The following RAD51B variants were observed in gnomAD, a reference collection of about 807,000 sequenced individuals.
RAD51B encodes the protein DNA repair protein RAD51 homolog 2.
In RAD51B, 38 loss-of-function variants were observed where a neutral mutation model predicts 42.2. The observed-to-expected ratio is 0.90, with a 90% CI of 0.70 to 1.18. The LOEUF is 1.18. Ranked by LOEUF, RAD51B falls within the 50% of genes most tolerant of loss-of-function variation. The pLI, the probability that RAD51B is intolerant of heterozygous loss-of-function variation, is 0.00. For synonymous variants in RAD51B, 154 were observed against 145.2 expected (o/e 1.06, Z -0.43); for missense variants, 373 against 400.7 (o/e 0.93, Z 0.59).
chr14:67,944,247 G>A (rs527350182), intron 7 of RAD51B, among the ~76,000 whole-genome samples: 6 of 147,598 alleles, frequency 4.1e-5, no homozygotes, highest in African/African-American at 1.5e-4. Context: ...ATAATTTTAG[G>A]AAAACTAAAT....
chr14:68,606,457 T>C (rs1284583705), intron 10 of RAD51B, among the ~76,000 whole-genome samples: 1 of 152,234 alleles, frequency 6.6e-6, no homozygotes, highest in Non-Finnish European at 1.5e-5. Flanking sequence ...TTGCATCTTC[T>C]TCTACAATAT....
chr14:68,621,816 C>A (rs1488656795), intron 10 of RAD51B, among the ~76,000 whole-genome samples: 3 of 152,264 alleles, frequency 2.0e-5, no homozygotes, highest in Non-Finnish European at 4.4e-5. Context: ...AGCCAGGGCC[C>A]AGCTGATCTC....
chr14:68,322,675 T>C (rs2082177249), intron 8 of RAD51B, among the ~76,000 whole-genome samples: 1 of 152,178 alleles, frequency 6.6e-6, no homozygotes, highest in African/African-American at 2.4e-5. Flanking sequence ...TGAGAGAATC[T>C]TCCCCTCCAG....
At chr14:68,155,729 C>G (rs1051282461) in intron 7 of RAD51B, among the ~76,000 whole-genome samples, 84 of 152,084 alleles carry the variant, frequency 5.5e-4, no homozygotes, top group African/African-American at 2.0e-3. Flanking sequence ...TATAAATAGT[C>G]AGTTTGAAAA....
chr14:68,610,843 ATGTGTGTGTGTGTGTGTGTGTG>A (rs60173412), intron 10 of RAD51B, among the ~76,000 whole-genome samples: 1 of 144,896 alleles, frequency 6.9e-6, no homozygotes, highest in Non-Finnish European at 1.5e-5. Context: ...CTGAATGTAT[ATGTGTGTGTGTGTGTGTGTGTG>A]TGTGTGTGTG....
intron 7 of RAD51B, among the ~76,000 whole-genome samples, chr14:68,116,339 A>T (rs1470687107): frequency 7.2e-6 from 1 of 139,116 alleles, no homozygotes; most frequent in Non-Finnish European, 1.5e-5. Context: ...CTGTACATTT[A>T]AAAGGTTAAA....
intron 9 of RAD51B, among the ~76,000 whole-genome samples, chr14:68,421,304 C>T (rs2084692923): frequency 6.6e-6 from 1 of 152,012 alleles, no homozygotes; most frequent in African/African-American, 2.4e-5. Context: ...GGGGAGTATC[C>T]CTGCTGTGAG....
intron 10 of RAD51B, among the ~76,000 whole-genome samples, chr14:68,555,624 TG>T (rs1249576958): frequency 5.9e-5 from 9 of 152,158 alleles, no homozygotes; most frequent in Admixed American, 5.9e-4. Context: ...CTGACAGCCA[TG>T]GGGTTGCAAA....
chr14:68,117,774 T>C (rs1420160997), intron 7 of RAD51B, among the ~76,000 whole-genome samples: 2 of 152,210 alleles, frequency 1.3e-5, no homozygotes, highest in East Asian at 3.8e-4. Context: ...TTTTTAAAAA[T>C]AAATATACCA....
intron 7 of RAD51B, among the ~76,000 whole-genome samples, chr14:68,232,663 T>C (rs1005269274): frequency 1.4e-4 from 22 of 152,186 alleles, no homozygotes; most frequent in African/African-American, 5.1e-4. Flanking sequence ...TCAGCAGACA[T>C]AGGATATTGT....
intron 7 of RAD51B, among the ~76,000 whole-genome samples, chr14:67,899,142 A>G (rs950771851): frequency 6.6e-6 from 1 of 151,932 alleles, no homozygotes; most frequent in Admixed American, 6.6e-5. Context: ...TCCCGGGCTC[A>G]TGCTATTCTC....
At chr14:68,025,317 T>C (rs1379210774) in intron 7 of RAD51B, among the ~76,000 whole-genome samples, 1 of 152,044 alleles carries the variant, frequency 6.6e-6, no homozygotes, top group African/African-American at 2.4e-5. Context: ...ACGTTTATTA[T>C]GTCTCTGCTA....
chr14:68,356,756 C>T (rs1281443491), intron 8 of RAD51B, among the ~76,000 whole-genome samples: 3 of 151,046 alleles, frequency 2.0e-5, no homozygotes, highest in East Asian at 2.0e-4. Context: ...CCGAGGCGGG[C>T]GGATCACGAG....
At chr14:68,441,802 A>C (rs2085300924) in intron 9 of RAD51B, among the ~76,000 whole-genome samples, 2 of 152,204 alleles carry the variant, frequency 1.3e-5, no homozygotes, top group South Asian at 2.1e-4. Context: ...TATGAAGAAG[A>C]AGCAATGCCA....
At chr14:68,308,137 T>G (rs12889949) in intron 8 of RAD51B, among the ~76,000 whole-genome samples, 75,786 of 152,028 alleles carry the variant, frequency 0.5, 21,658 homozygotes, top group South Asian at 0.65. Context: ...CTAAATAATA[T>G]CAAGGATAGA....
chr14:68,518,432 T>G (rs1361554677), intron 10 of RAD51B, among the ~76,000 whole-genome samples: 1 of 152,094 alleles, frequency 6.6e-6, no homozygotes, highest in East Asian at 1.9e-4. Context: ...GAACTGGAGA[T>G]CTTTCCACAT....
intron 11 of RAD51B, among the ~76,000 whole-genome samples, chr14:68,680,107 A>T (rs56273152): frequency 0.14 from 20,671 of 152,266 alleles, 1,819 homozygotes; most frequent in Non-Finnish European, 0.19. Context: ...ATATTATGTG[A>T]TTCACAATGT....
chr14:68,140,105 C>T (rs994671643), intron 7 of RAD51B, among the ~76,000 whole-genome samples: 3 of 152,066 alleles, frequency 2.0e-5, no homozygotes, highest in East Asian at 1.9e-4. Context: ...TCTCAAAAGG[C>T]GATTCCAGAA....
At chr14:67,913,957 A>G (rs886905263) in intron 7 of RAD51B, among the ~76,000 whole-genome samples, 4 of 150,948 alleles carry the variant, frequency 2.6e-5, no homozygotes, top group Non-Finnish European at 4.4e-5. Flanking sequence ...TCTGGTAACC[A>G]TCATTTTACT....
Sources: allele counts gnomAD v4.1 joint callset (sites outside exome capture counted in the v4.1 genomes callset), GRCh38; gene constraint gnomAD v4.1.1; transcripts MANE v1.5; gene names NCBI Gene and HGNC (gene_info 2026-07-23, HGNC 2026-07-21).